MAP4: variants seen among roughly 807,000 people sequenced by gnomAD.
MAP4 encodes the protein microtubule-associated protein 4.
In MAP4, 76 loss-of-function variants were observed where a neutral mutation model predicts 170.2. That is an observed-to-expected ratio of 0.45 (90% CI 0.37 to 0.54). MAP4 has a LOEUF of 0.54. MAP4 is among the 20% of genes least tolerant of loss of function. The pLI, the probability that MAP4 is intolerant of heterozygous loss-of-function variation, is 0.00. For synonymous variants in MAP4, 909 were observed against 994.5 expected (o/e 0.91, Z 1.62); for missense variants, 2,506 against 2,748.0 (o/e 0.91, Z 1.97).
intron 17 of MAP4, among the ~76,000 whole-genome samples, chr3:47,858,400 G>T (rs1352588601): frequency 6.6e-6 from 1 of 152,090 alleles, no homozygotes; most frequent in Non-Finnish European, 1.5e-5. Context: ...CCCTGTCCAT[G>T]CATGCTCCAG....
chr3:47,898,779 T>C (rs1465757757), intron 10 of MAP4, among the ~76,000 whole-genome samples: 1 of 152,000 alleles, frequency 6.6e-6, no homozygotes, highest in Non-Finnish European at 1.5e-5. Flanking sequence ...CCCACATCTA[T>C]ACAAAAAAAA....
chr3:47,999,660 G>A (rs539678492), intron 1 of MAP4, among the ~76,000 whole-genome samples: 7 of 152,126 alleles, frequency 4.6e-5, no homozygotes, highest in South Asian at 2.1e-4. Flanking sequence ...GATAACTTAC[G>A]AATACAAAGA....
intron 10 of MAP4, chr3:47,892,027 T>C: frequency 6.5e-7 from 1 of 1,536,282 alleles, no homozygotes; most frequent in Non-Finnish European, 8.7e-7. Flanking sequence ...TCTTGGTCTC[T>C]AGTCCATTCT....
intron 6 of MAP4, 34 bp downstream of exon 6, chr3:47,918,685 C>T (rs753842860): frequency 1.9e-6 from 3 of 1,553,548 alleles, no homozygotes; most frequent in African/African-American, 2.7e-5. Flanking sequence ...ATACTGCAAC[C>T]ATTAACTGAT....
Position 47,911,523 on chromosome 3 carries a change from T to G in MAP4, c.2898A>C (p.Ala966=). 6.5e-7 allele frequency: 1 copy of G among 1,535,994 alleles called. No individual in the cohort carries two copies. The highest frequency in any genetic ancestry group is 8.7e-7 in the Non-Finnish European group (1 of 1,146,860). Residue 966 remains alanine, a synonymous_variant, in exon 9 of 21, where the codon GCA becomes GCC. Transcript: ENST00000683076. This position sits in a 1 kb window ranked among gnomAD's most constrained non-coding sequence, Gnocchi z 4.0. The stretch of plus-strand genomic sequence containing the variant: ...TGGGTACCAAATTTGGTATTTCTTT[T>G]GCTGCTGTGGGTTTTGAAACTACAC... ...VMGVVSKPTA[A]KEIPNLVPTL...
At chr3:47,895,667 C>T (rs2100026454) in intron 10 of MAP4, among the ~76,000 whole-genome samples, 1 of 152,220 alleles carries the variant, frequency 6.6e-6, no homozygotes, top group Non-Finnish European at 1.5e-5. Flanking sequence ...TACCCAGACC[C>T]ACTTCACTAG....
At chr3:48,039,701 A>G (rs961944359) in intron 1 of MAP4, among the ~76,000 whole-genome samples, 2 of 152,256 alleles carry the variant, frequency 1.3e-5, no homozygotes, top group Admixed American at 6.5e-5. Flanking sequence ...GTTCTGATGC[A>G]GATGATAAAA....
rs77479528 is a variant in MAP4 at position 47,863,674 on chromosome 3, T to A, written c.6501+3572A>T. Among the ~76,000 whole-genome samples, 559 of 151,976 alleles carry A rather than the reference T, an allele frequency of 3.7e-3. 2 individuals carry two copies. The highest frequency in any genetic ancestry group is 9.6e-3 in the African/African-American group (397 of 41,442). On this transcript the variant is annotated intron_variant, in intron 17 of 20. Transcript: ENST00000683076. ...TGCCCACTACACATGCACAGCCCCT[T>A]GCAAGGGTGAAATGGAACCAAAACG...
intron 3 of MAP4, chr3:47,975,192 C>A: frequency 8.2e-7 from 1 of 1,214,648 alleles, no homozygotes; most frequent in Non-Finnish European, 1.0e-6. Context: ...GTAAAAATTA[C>A]TAAAATTAAA....
rs67709674 is a variant in MAP4 at position 48,048,506 on chromosome 3, CTTTTTTTTTTTT to C, written c.-20+40255_-20+40266del. 2.0e-3 allele frequency among the ~76,000 whole-genome samples: 135 copies of C among 66,990 alleles called. 1 individual carries two copies. Among genetic ancestry groups the C allele is most frequent in the Non-Finnish European group, 3.0e-3 (117 of 39,558 alleles). 43.9% of individuals were successfully genotyped at this position (66,990 alleles called of 152,430 possible). ...TCAGGTAGATCCAGATCTCAATTATCTTTTTTTTTTTTTTTTTTTTTTTTTTTTGAGACAAAG... is the reference window on the plus strand; with the variant it reads ...TCAGGTAGATCCAGATCTCAATTATCTTTTTTTTTTTTTTTTGAGACAAAG... On this transcript the variant is annotated intron_variant, in intron 1 of 18. Coordinates refer to the MAP4 transcript ENST00000360240.
chr3:47,937,822 C>T (rs1037935147), intron 3 of MAP4, among the ~76,000 whole-genome samples: 8 of 150,966 alleles, frequency 5.3e-5, no homozygotes, highest in African/African-American at 1.7e-4. Context: ...CCACCATGCC[C>T]GGCTAATTTT....
chr3:47,871,319 A>G (rs767632670), intron 13 of MAP4, 33 bp from the exon 14 acceptor site: 1 of 1,529,642 alleles, frequency 6.5e-7, no homozygotes, highest in Admixed American at 1.7e-5. Flanking sequence ...TATAACATTT[A>G]ACAAACTGAC....
At chr3:48,013,589 G>C (rs2100106413) in intron 1 of MAP4, 1 of 151,642 alleles carries the variant, frequency 6.6e-6, no homozygotes, top group Admixed American at 6.6e-5. Flanking sequence ...TAATTCAGCT[G>C]CATCATTTCA....
chr3:48,030,076 A>G (rs1204874245), intron 1 of MAP4, among the ~76,000 whole-genome samples: 1 of 148,068 alleles, frequency 6.8e-6, no homozygotes, highest in East Asian at 1.9e-4. Context: ...CATGTAATAT[A>G]TATTATATAT....
chr3:48,057,646 GAAA>G (rs569379277), intron 1 of MAP4, among the ~76,000 whole-genome samples: 1 of 131,960 alleles, frequency 7.6e-6, no homozygotes. Flanking sequence ...AGAAAAAAAA[GAAA>G]AAAAAAAAAA....
chr3:47,911,342 C>T lies in MAP4; in HGVS notation c.3079G>A (p.Glu1027Lys), dbSNP rs897163016. Reference sequence around the variant, plus strand: ...TGCTCAGAAGTAAAGATGCTGATCTCTTGTCTTTCGTTGGGAAAAGCTTCC... The same window carrying T: ...TGCTCAGAAGTAAAGATGCTGATCTTTTGTCTTTCGTTGGGAAAAGCTTCC... ...KKEAFPNERQ[E>K]ISIFTSEQLQ... Residue 1027 changes from glutamate (E) to lysine (K), a missense_variant, in exon 9 of 21, where the codon GAG (glutamate) becomes AAG (lysine). Glu to Lys is a moderately conservative substitution (Grantham distance 56). Coordinates refer to ENST00000683076, the MANE Select transcript of MAP4 (RefSeq NM_001385682.1). This position sits in a 1 kb window ranked among gnomAD's most constrained non-coding sequence, Gnocchi z 4.0. 1 of 1,536,080 alleles carries T rather than the reference C, an allele frequency of 6.5e-7. No individual in the cohort carries two copies. Among genetic ancestry groups the T allele is most frequent in the Non-Finnish European group, 8.7e-7 (1 of 1,146,886 alleles).
chr3:47,852,979 G>A, intron 20 of MAP4, 41 bp from the exon 21 acceptor site: 1 of 1,614,154 alleles, frequency 6.2e-7, no homozygotes, highest in Non-Finnish European at 8.5e-7. Context: ...GGGGAACAGG[G>A]GAGACAAGAG....
intron 10 of MAP4, among the ~76,000 whole-genome samples, chr3:47,881,666 T>G (rs929975473): frequency 1.3e-5 from 2 of 151,582 alleles, no homozygotes; most frequent in Admixed American, 6.6e-5. Flanking sequence ...GGTGTGATCA[T>G]GGCTGACTGT....
chr3:47,971,183 T>G (rs2100078519), intron 3 of MAP4, among the ~76,000 whole-genome samples: 1 of 152,164 alleles, frequency 6.6e-6, no homozygotes, highest in African/African-American at 2.4e-5. Flanking sequence ...AGAAAAGAAA[T>G]AAAACTTTGT....
Sources: gnomAD v4.1 joint callset for allele counts (sites outside exome capture counted in the v4.1 genomes callset) on GRCh38, gnomAD v4.1.1 for gene constraint, Gnocchi (gnomAD v3.1) non-coding constraint, MANE v1.5 for transcripts, NCBI Gene and HGNC (gene_info 2026-07-23, HGNC 2026-07-21) for gene names.